The following SLC13A3 variants were observed in gnomAD, a reference collection of about 807,000 sequenced individuals.
SLC13A3 encodes solute carrier family 13 member 3.
In SLC13A3, 40 loss-of-function variants were observed where a neutral mutation model predicts 59.0. The observed-to-expected ratio is 0.68, with a 90% CI of 0.53 to 0.88. SLC13A3 has a LOEUF of 0.88. Ranked by LOEUF, SLC13A3 falls within the 40% of genes least tolerant of loss-of-function variation. The pLI, the probability that SLC13A3 is intolerant of heterozygous loss-of-function variation, is 0.00. For missense variants in SLC13A3, 699 were observed against 783.2 expected (o/e 0.89, Z 1.28); for synonymous variants, 317 against 330.3 (o/e 0.96, Z 0.44).
chr20:46,566,298 G>A lies in SLC13A3; in HGVS notation c.1425C>T (p.Ile475=), dbSNP rs147641404. The A allele has an allele frequency of 3.3e-5, 53 of 1,613,616 alleles. No homozygotes were observed. The highest frequency in any genetic ancestry group is 4.0e-5 in the African/African-American group (3 of 74,876). Residue 475 remains isoleucine, a synonymous_variant, in exon 11 of 13, where the codon ATC becomes ATT. Transcript: ENST00000279027. ...TGCTGGCAAACTCAGTGAAGAAGGC[G>A]ATGACCACAGTGATGAGCAGCACAG... ...ALAVLLITVV[I]AFFTEFASNT... is the part of the protein sequence containing the mutation.
intron 5 of SLC13A3, among the ~76,000 whole-genome samples, chr20:46,594,201 T>C (rs1045196835): frequency 1.3e-5 from 2 of 150,216 alleles, no homozygotes; most frequent in Non-Finnish European, 3.0e-5. Flanking sequence ...ATATTTTTAC[T>C]GTATATATGT....
intron 5 of SLC13A3, among the ~76,000 whole-genome samples, chr20:46,595,054 C>A (rs1341955213): frequency 6.6e-6 from 1 of 152,200 alleles, no homozygotes; most frequent in African/African-American, 2.4e-5. Context: ...AAGAAGTCAG[C>A]TAGTATTTGC....
intron 1 of SLC13A3, among the ~76,000 whole-genome samples, chr20:46,650,927 C>T (rs964629477): frequency 2.6e-5 from 4 of 152,014 alleles, no homozygotes; most frequent in Non-Finnish European, 4.4e-5. Context: ...TGGGCATGCA[C>T]CTGTAGTTCT....
chr20:46,575,781 G>A, intron 9 of SLC13A3, 96 bp from the exon 10 acceptor site: 1 of 645,880 alleles, frequency 1.5e-6, no homozygotes, highest in Non-Finnish European at 2.5e-6. Flanking sequence ...GACACTCAGG[G>A]GTCCCCAGGA....
At chr20:46,591,943 C>T (rs1370627997) in intron 6 of SLC13A3, among the ~76,000 whole-genome samples, 1 of 152,104 alleles carries the variant, frequency 6.6e-6, no homozygotes, top group African/African-American at 2.4e-5. Flanking sequence ...CGGTGGCTCA[C>T]ACCTATAACC....
At chr20:46,604,345 G>GC (rs1484840803) in intron 3 of SLC13A3, among the ~76,000 whole-genome samples, 1 of 152,038 alleles carries the variant, frequency 6.6e-6, no homozygotes, top group Non-Finnish European at 1.5e-5. Context: ...TGTGTGCCCC[G>GC]CCCCCTCACT....
intron 6 of SLC13A3, 80 bp from the exon 7 acceptor site, chr20:46,589,335 A>C: frequency 1.8e-6 from 2 of 1,113,122 alleles, no homozygotes; most frequent in East Asian, 2.4e-5. Context: ...CCACCACCTG[A>C]CCAAGCCACA....
At chr20:46,650,941 C>T (rs947465317) in intron 1 of SLC13A3, among the ~76,000 whole-genome samples, 7 of 152,034 alleles carry the variant, frequency 4.6e-5, no homozygotes, top group Non-Finnish European at 1.0e-4. Flanking sequence ...TAGTTCTAGC[C>T]ACTAGGGAGG....
intron 1 of SLC13A3, among the ~76,000 whole-genome samples, chr20:46,632,967 CTGTT>C (rs2062759923): frequency 3.3e-5 from 5 of 151,860 alleles, no homozygotes; most frequent in Non-Finnish European, 5.9e-5. Context: ...ATCTATCTAT[CTGTT>C]TATGTATCTA....
chr20:46,618,347 A>T (rs1223288483), intron 1 of SLC13A3, among the ~76,000 whole-genome samples: 1 of 152,248 alleles, frequency 6.6e-6, no homozygotes, highest in East Asian at 1.9e-4. Flanking sequence ...AACAGAGTTT[A>T]AGACAGTGAG....
chr20:46,563,325 G>A (rs971695852), intron 12 of SLC13A3, 89 bp downstream of exon 12: 160 of 1,427,662 alleles, frequency 1.1e-4, no homozygotes, highest in Non-Finnish European at 1.2e-4. Context: ...AGTGGGGTCA[G>A]CGTGCAGGAG....
chr20:46,650,149 C>T (rs555810517), intron 1 of SLC13A3, among the ~76,000 whole-genome samples: 1 of 152,270 alleles, frequency 6.6e-6, no homozygotes, highest in East Asian at 1.9e-4. Context: ...CAAAAGGGAC[C>T]TGTGGTACCA....
At chr20:46,663,388 T>C (rs2063042972) in intron 1 of SLC13A3, among the ~76,000 whole-genome samples, 2 of 151,126 alleles carry the variant, frequency 1.3e-5, no homozygotes, top group South Asian at 2.1e-4. Context: ...AAGGGTACAA[T>C]GAGCTATAAT....
intron 5 of SLC13A3, among the ~76,000 whole-genome samples, chr20:46,592,910 C>T (rs918394120): frequency 1.3e-5 from 2 of 152,148 alleles, no homozygotes; most frequent in Non-Finnish European, 2.9e-5. Flanking sequence ...GGCCAGTAAG[C>T]CCAGGTTTGG....
intron 1 of SLC13A3, among the ~76,000 whole-genome samples, chr20:46,624,184 C>T (rs960000885): frequency 2.0e-5 from 3 of 152,174 alleles, no homozygotes. Context: ...GAACCCCATC[C>T]TTCTAGTTCT....
At chr20:46,663,756 C>G (rs1218173581) in intron 1 of SLC13A3, among the ~76,000 whole-genome samples, 2 of 152,182 alleles carry the variant, frequency 1.3e-5, no homozygotes, top group East Asian at 3.9e-4. Flanking sequence ...CAAGGACACA[C>G]AGCTACTGAG....
upstream of SLC13A3, among the ~76,000 whole-genome samples, chr20:46,671,272 T>C (rs1230414042): frequency 6.6e-6 from 1 of 152,154 alleles, no homozygotes; most frequent in Non-Finnish European, 1.5e-5. Context: ...GGGACAACTT[T>C]GAGGGGCCAT....
At chr20:46,600,398 GAA>G (rs1460282194) in intron 3 of SLC13A3, among the ~76,000 whole-genome samples, 1 of 147,068 alleles carries the variant, frequency 6.8e-6, no homozygotes, top group African/African-American at 2.5e-5. Context: ...GGGAAAGAAA[GAA>G]AGAAAGGAGG....
intron 1 of SLC13A3, among the ~76,000 whole-genome samples, chr20:46,630,523 T>C (rs1388156993): frequency 6.6e-6 from 1 of 152,252 alleles, no homozygotes; most frequent in Non-Finnish European, 1.5e-5. Context: ...TTTCCTGCCA[T>C]TGTCAGCTCT....
Sources: gnomAD v4.1 joint callset for allele counts (sites outside exome capture counted in the v4.1 genomes callset) on GRCh38, gnomAD v4.1.1 for gene constraint, MANE v1.5 for transcripts, NCBI Gene and HGNC (gene_info 2026-07-23, HGNC 2026-07-21) for gene names.